ST3GAL4: variants seen among roughly 807,000 people sequenced by gnomAD.
The protein encoded by ST3GAL4 is ST3 beta-galactoside alpha-2,3-sialyltransferase 4.
In ST3GAL4, 24 loss-of-function variants were observed where a neutral mutation model predicts 42.6. The ratio of observed to expected loss-of-function variants is 0.56; its 90% CI spans 0.41 to 0.79. ST3GAL4 has a LOEUF of 0.79. ST3GAL4 is among the 30% of genes least tolerant of loss of function. The pLI is 0.00. For missense variants in ST3GAL4, 311 were observed against 430.8 expected, an observed-to-expected ratio of 0.72 and a Z score of 2.46; for synonymous variants, 135 against 163.2, an observed-to-expected ratio of 0.83 and a Z score of 1.32.
chr11:126,406,682 C>G lies in ST3GAL4; in HGVS notation c.101+125C>G. On this transcript the variant is annotated intron_variant, in intron 3 of 10. Transcript: ENST00000444328. The surrounding 1 kb of genome is among the most constrained non-coding windows in gnomAD (Gnocchi z 5.4). ...CAAGAGCCGGCACATGACCTCATCC[C>G]TTCAGCTGCTGGTACGGAGTGTTTC... 1 of 1,182,186 alleles carries G rather than the reference C, an allele frequency of 8.5e-7. No individual in the cohort carries two copies. Among genetic ancestry groups the G allele is most frequent in the Non-Finnish European group, 1.2e-6 (1 of 843,158 alleles). The allele number at this position is 1,182,186 out of a possible 1,614,324, so 73.2% of individuals were successfully genotyped here.
chr11:126,403,826 G>A (rs1954112170), intron 1 of ST3GAL4, among the ~76,000 whole-genome samples: 2 of 152,154 alleles, frequency 1.3e-5, no homozygotes, highest in Non-Finnish European at 2.9e-5. Flanking sequence ...TGGTTAGAAT[G>A]CAAATCCCCG....
In ST3GAL4 at chr11:126,406,726, T is replaced by C. The variant is rs1954250195; in HGVS notation, c.101+169T>C. 1.1e-6 allele frequency: 1 copy of C among 911,828 alleles called. No individual in the cohort carries two copies. The highest frequency in any genetic ancestry group is 1.7e-6 in the Non-Finnish European group (1 of 603,844). 56.5% of individuals were successfully genotyped at this position (911,828 alleles called of 1,614,324 possible). ...GTGTTTCCATGAGGGTGGGTGGGGG[T>C]AGGGCCTGGGATGTCTCACTGGGCC... On this transcript the variant is annotated intron_variant, in intron 3 of 10. Transcript: ENST00000444328. This position sits in a 1 kb window ranked among gnomAD's most constrained non-coding sequence, Gnocchi z 5.4.
chr11:126,407,114 G>T, intron 4 of ST3GAL4, 91 bp downstream of exon 4: 2 of 1,489,320 alleles, frequency 1.3e-6, no homozygotes, highest in Admixed American at 3.4e-5. Context: ...GGAAAGAGCA[G>T]CTGTGTTGGT....
rs1953235125 is a variant in ST3GAL4, at chr11:126,386,598, T to C, written c.-60-19498T>C. ...GAGGGCTGGCCAGCTGTGCCGGAAT[T>C]AGGAAGTGGGTACAGCTGGACAAAA... On this transcript the variant is annotated intron_variant, in intron 1 of 10. Coordinates refer to ENST00000444328, the MANE Select transcript of ST3GAL4 (RefSeq NM_001254757.2). This position sits in a 1 kb window ranked among gnomAD's most constrained non-coding sequence, Gnocchi z 4.7. Among the ~76,000 whole-genome samples the C allele has an allele frequency of 6.6e-6, 1 of 151,908 alleles. No homozygotes were observed. Among genetic ancestry groups the C allele is most frequent in the South Asian group, 2.1e-4 (1 of 4,810 alleles).
rs996116886 is a variant in ST3GAL4, at chr11:126,410,182, C to G, written c.771+771C>G. ...TCAGCCTCCCAAAATGCCGGGATTA[C>G]AGGTGTAAGGCACTGTGTCTGACCA... is the stretch of plus-strand genomic sequence containing the variant. On this transcript the variant is annotated intron_variant, in intron 9 of 10. Transcript: ENST00000444328. The surrounding 1 kb of genome is among the most constrained non-coding windows in gnomAD (Gnocchi z 5.3). Among the ~76,000 whole-genome samples the G allele has an allele frequency of 6.6e-6, 1 of 152,206 alleles. No homozygotes were observed. The highest frequency in any genetic ancestry group is 1.5e-5 in the Non-Finnish European group (1 of 68,044).
chr11:126,406,502 G>C lies in ST3GAL4; in HGVS notation c.46G>C (p.Val16Leu), dbSNP rs767301667. 4.5e-5 allele frequency: 72 copies of C among 1,614,050 alleles called. No homozygotes were observed. The highest frequency in any genetic ancestry group is 5.8e-5 in the Non-Finnish European group (68 of 1,180,036). ...GAAGCTCCTGGCCATGTTGGCTCTG[G>C]TCCTGGTCGTCATGGTGTGGTATTC... ...RWKLLAMLAL[V>L]LVVMVWYSIS... The change falls in exon 3 of 11, where the codon GTC becomes CTC. Residue 16 changes from valine to leucine, a missense_variant. By Grantham distance (32) the Val-to-Leu change is conservative. Coordinates refer to ENST00000444328, the MANE Select transcript of ST3GAL4 (RefSeq NM_001254757.2). The surrounding 1 kb of genome is among the most constrained non-coding windows in gnomAD (Gnocchi z 5.4).
rs559409737 is a variant in ST3GAL4, at chr11:126,366,305, G to A, written c.-61+10463G>A. 4.6e-5 allele frequency among the ~76,000 whole-genome samples: 7 copies of A among 152,290 alleles called. No individual in the cohort carries two copies. The highest frequency in any genetic ancestry group is 3.4e-3 in the Middle Eastern group (1 of 294). ...AGGAATGGAGGAAGAGAGTGCCCTG[G>A]CTGGGGGAGCCCCTCAAGCCCTGGA... On this transcript the variant is annotated intron_variant, in intron 1 of 10. Coordinates refer to ENST00000444328, the MANE Select transcript of ST3GAL4 (RefSeq NM_001254757.2). This position sits in a 1 kb window ranked among gnomAD's most constrained non-coding sequence, Gnocchi z 4.2.
rs201167092 is a variant in ST3GAL4 at position 126,397,762 on chromosome 11, TG to T, written c.-60-8332del. ...TCTTGCTGCATTGTCTCATGGTGGA[TG>T]GAAGAAGGGCAAGGTGGAGAGAGAG... On this transcript the variant is annotated intron_variant, in intron 1 of 10. Transcript: ENST00000444328. The surrounding 1 kb of genome is among the most constrained non-coding windows in gnomAD (Gnocchi z 5.0). Among the ~76,000 whole-genome samples, 1,056 of 152,232 alleles carry T rather than the reference TG, an allele frequency of 6.9e-3. 11 individuals are homozygous for T. Among genetic ancestry groups the T allele is most frequent in the African/African-American group, 9.5e-3 (393 of 41,534 alleles).
chr11:126,371,558 T>C (rs549597479), intron 1 of ST3GAL4, among the ~76,000 whole-genome samples: 1 of 152,346 alleles, frequency 6.6e-6, no homozygotes, highest in East Asian at 1.9e-4. Flanking sequence ...TGCAACACTT[T>C]AAAAAGTTAA....
At chr11:126,402,259 C>A (rs896346242) in intron 1 of ST3GAL4, among the ~76,000 whole-genome samples, 17 of 151,842 alleles carry the variant, frequency 1.1e-4, no homozygotes, top group African/African-American at 4.1e-4. Flanking sequence ...AGTTGGACAC[C>A]AGCATGGGCA....
rs1954526523 is a variant in ST3GAL4, at chr11:126,411,546, G to T, written c.772-1959G>T. Among the ~76,000 whole-genome samples the T allele has an allele frequency of 6.6e-6, 1 of 152,168 alleles. No homozygotes were observed. The highest frequency in any genetic ancestry group is 6.5e-5 in the Admixed American group (1 of 15,276). ...TAGATCAGAACAGCAGGGTGTGGCT[G>T]GTTCTCTGTTTAGGGTGTCACAAGG... On this transcript the variant is annotated intron_variant, in intron 9 of 10. Transcript: ENST00000444328. The surrounding 1 kb of genome is among the most constrained non-coding windows in gnomAD (Gnocchi z 6.3).
intron 1 of ST3GAL4, among the ~76,000 whole-genome samples, chr11:126,377,500 A>T (rs1207625476): frequency 8.6e-5 from 7 of 81,738 alleles, no homozygotes; most frequent in Admixed American, 3.1e-4. Flanking sequence ...TTTTTTTTTG[A>T]GATACAGTCT....
At position 126,359,973 on chromosome 11, in the gene ST3GAL4, T is replaced by C. The variant is rs900219692; in HGVS notation, c.-61+4131T>C. Among the ~76,000 whole-genome samples the C allele has an allele frequency of 2.0e-5, 3 of 152,238 alleles. No homozygotes were observed. The highest frequency in any genetic ancestry group is 7.2e-5 in the African/African-American group (3 of 41,476). ...CCAGCCAAAGTGGCTGCTCCTGGCG[T>C]CTGGCATCCTGATTCCTGCCAGGCA... On this transcript the variant is annotated intron_variant, in intron 1 of 10. Transcript: ENST00000444328. This position sits in a 1 kb window ranked among gnomAD's most constrained non-coding sequence, Gnocchi z 4.8.
At chr11:126,365,840 AGT>A (rs1468784621) in intron 1 of ST3GAL4, among the ~76,000 whole-genome samples, 1 of 152,008 alleles carries the variant, frequency 6.6e-6, no homozygotes, top group Admixed American at 6.5e-5. Flanking sequence ...GAGGACAGTG[AGT>A]GTGTGTTGTG....
chr11:126,376,869 TAGTC>T lies in ST3GAL4; in HGVS notation c.-61+21031_-61+21034del, dbSNP rs1952846030. 6.6e-6 allele frequency: 1 copy of T among 152,228 alleles called. No homozygotes were observed. The highest frequency in any genetic ancestry group is 6.5e-5 in the Admixed American group (1 of 15,284). 9.4% of individuals were successfully genotyped at this position (152,228 alleles called of 1,614,324 possible). On this transcript the variant is annotated intron_variant, in intron 1 of 10. Transcript: ENST00000444328. This position sits in a 1 kb window ranked among gnomAD's most constrained non-coding sequence, Gnocchi z 5.1. ...TCCATGGCCACAGTTAGCAGTTACA[TAGTC>T]AGTGTTGCTTTCCTCAAGTTGAATG...
rs1055160395 is a variant in ST3GAL4 at position 126,379,167 on chromosome 11, CTAATA to C, written c.-61+23327_-61+23331del. Among the ~76,000 whole-genome samples, 1 of 152,194 alleles carries C rather than the reference CTAATA, an allele frequency of 6.6e-6. No individual in the cohort carries two copies. The highest frequency in any genetic ancestry group is 1.5e-5 in the Non-Finnish European group (1 of 68,040). On this transcript the variant is annotated intron_variant, in intron 1 of 10. Transcript: ENST00000444328. This position sits in a 1 kb window ranked among gnomAD's most constrained non-coding sequence, Gnocchi z 4.2. ...ACTCAAGTGTGTATGGGAGCAGGTTCTAATATTAGTTGTGATTCTTTCCATTTATC... is the reference window on the plus strand; with the variant it reads ...ACTCAAGTGTGTATGGGAGCAGGTTCTTAGTTGTGATTCTTTCCATTTATC...
chr11:126,395,512 G>A (rs747874892), intron 1 of ST3GAL4, among the ~76,000 whole-genome samples: 16 of 152,148 alleles, frequency 1.1e-4, no homozygotes, highest in Non-Finnish European at 2.2e-4. Context: ...TGTGGGTTGG[G>A]CAGTGATACG....
Position 126,391,936 on chromosome 11 carries a change from CGTGTGTGTGTGTGT to C in ST3GAL4, c.-60-14137_-60-14124del, listed in dbSNP as rs111958228. Among the ~76,000 whole-genome samples the C allele has an allele frequency of 1.4e-5, 2 of 144,392 alleles. No individual in the cohort carries two copies. Among genetic ancestry groups the C allele is most frequent in the South Asian group, 2.2e-4 (1 of 4,488 alleles). 94.7% of individuals were successfully genotyped at this position (144,392 alleles called of 152,430 possible). The stretch of plus-strand genomic sequence containing the variant: ...CTCAGAACACCTGTGATAACTTGGT[CGTGTGTGTGTGTGT>C]GTGTGTGTGTGTGTGTGTGTGTATG... On this transcript the variant is annotated intron_variant, in intron 1 of 10. Transcript: ENST00000444328. The surrounding 1 kb of genome is among the most constrained non-coding windows in gnomAD (Gnocchi z 5.5).
chr11:126,383,845 C>A lies in ST3GAL4; in HGVS notation c.-60-22251C>A, dbSNP rs761441130. On this transcript the variant is annotated intron_variant, in intron 1 of 10. Transcript: ENST00000444328. This position sits in a 1 kb window ranked among gnomAD's most constrained non-coding sequence, Gnocchi z 4.5. Reference sequence around the variant, plus strand: ...AAGGGCCCCTCCTCCCCTCGTCTTCCCTCCCTCATGGCCCACCTTTACTCT... The same window carrying A: ...AAGGGCCCCTCCTCCCCTCGTCTTCACTCCCTCATGGCCCACCTTTACTCT... Among the ~76,000 whole-genome samples, 10 of 152,208 alleles carry A rather than the reference C, an allele frequency of 6.6e-5. No individual in the cohort carries two copies. The highest frequency in any genetic ancestry group is 1.2e-4 in the Non-Finnish European group (8 of 68,020).
Sources: gnomAD v4.1 joint callset for allele counts (sites outside exome capture counted in the v4.1 genomes callset) on GRCh38, gnomAD v4.1.1 for gene constraint, Gnocchi (gnomAD v3.1) non-coding constraint, MANE v1.5 for transcripts, NCBI Gene and HGNC (gene_info 2026-07-23, HGNC 2026-07-21) for gene names.